USP14: variants seen among roughly 807,000 people sequenced by gnomAD.
The protein encoded by USP14 is ubiquitin carboxyl-terminal hydrolase 14.
Under a neutral mutation model 76.5 loss-of-function variants are expected in USP14, and 38 were observed. The observed-to-expected ratio is 0.50, with a 90% CI of 0.38 to 0.65. The LOEUF is 0.65. Ranked by LOEUF, USP14 falls within the 30% of genes least tolerant of loss-of-function variation. USP14 has a pLI of 0.00. For missense variants in USP14, 467 were observed against 586.5 expected (o/e 0.80, Z 2.10); for synonymous variants, 192 against 191.7 (o/e 1.00, Z -0.01).
intron 1 of USP14, among the ~76,000 whole-genome samples, chr18:160,669 A>G (rs916144653): frequency 1.3e-5 from 2 of 152,250 alleles, no homozygotes; most frequent in Non-Finnish European, 2.9e-5. Context: ...GCTCATGGCA[A>G]TAGCACAATA....
At position 212,243 on chromosome 18, in the gene USP14, G is replaced by A. The variant is rs1910689493; in HGVS notation, c.*959G>A. 2 of 152,212 alleles carry A rather than the reference G, an allele frequency of 1.3e-5. No individual in the cohort carries two copies. The allele number at this position is 152,212 out of a possible 1,614,324, so 9.4% of individuals were successfully genotyped here. ...GTAAAAGTAATGGATTTCTTTGGAT[G>A]CTGAATGCAGTGATGTTATCAGTCA... is the stretch of plus-strand genomic sequence containing the variant. On this transcript the variant is annotated 3_prime_UTR_variant, in exon 16 of 16. Coordinates refer to ENST00000261601, the MANE Select transcript of USP14 (RefSeq NM_005151.4).
Position 168,579 on chromosome 18 carries a change from C to T in USP14, c.195+1760C>T, listed in dbSNP as rs188057286. Reference sequence around the variant, plus strand: ...CCTCCTGAGTAGTTGGGATTACAAACGCCTACCACCATGCCTGGCTAATTT... The same window carrying T: ...CCTCCTGAGTAGTTGGGATTACAAATGCCTACCACCATGCCTGGCTAATTT... On this transcript the variant is annotated intron_variant, in intron 3 of 15. Transcript: ENST00000261601. Among the ~76,000 whole-genome samples the T allele has an allele frequency of 1.1e-4, 16 of 151,884 alleles. No individual in the cohort carries two copies. In the East Asian group the frequency reaches 2.2e-3, roughly 21 times the overall value.
intron 5 of USP14, among the ~76,000 whole-genome samples, chr18:184,137 A>T (rs1909862428): frequency 6.6e-6 from 1 of 152,158 alleles, no homozygotes; most frequent in Non-Finnish European, 1.5e-5. Flanking sequence ...TCCTTTTTTT[A>T]AAAAAATAAA....
Position 213,575 on chromosome 18 carries a change from G to A in USP14, c.*2291G>A, listed in dbSNP as rs1277435628. On this transcript the variant is annotated 3_prime_UTR_variant, in exon 16 of 16. Transcript: ENST00000261601. Reference sequence around the variant, plus strand: ...CCTTATATGCTGTGCCACTCACACCGAGGCCATCATCTCAACATTAGAGTT... The same window carrying A: ...CCTTATATGCTGTGCCACTCACACCAAGGCCATCATCTCAACATTAGAGTT... 1.3e-5 allele frequency: 2 copies of A among 152,122 alleles called. No individual in the cohort carries two copies. Among genetic ancestry groups the A allele is most frequent in the East Asian group, 3.9e-4 (2 of 5,160 alleles). The allele number at this position is 152,122 out of a possible 1,614,324, so 9.4% of individuals were successfully genotyped here.
At chr18:181,869 A>G (rs953474112) in intron 5 of USP14, among the ~76,000 whole-genome samples, 1 of 152,092 alleles carries the variant, frequency 6.6e-6, no homozygotes, top group Admixed American at 6.6e-5. Flanking sequence ...TAGCTCTTCT[A>G]TTCAGGCCTG....
chr18:203,178 C>T lies in USP14; in HGVS notation c.1023C>T (p.Ala341=), dbSNP rs763864058. The T allele has an allele frequency of 6.2e-7, 1 of 1,613,402 alleles. No homozygotes were observed. Residue 341 remains alanine (A), a synonymous_variant, in exon 12 of 16, where the codon GCC becomes GCT. Coordinates refer to ENST00000261601, the MANE Select transcript of USP14 (RefSeq NM_005151.4). ...ATAAAGAGAAGGAATCTGTGAATGC[C>T]AAAGTTCTTAAGGTTAGTAATGAAC... The part of the protein sequence containing the change: ...FFYKEKESVN[A]KVLKDVKFPL...
In USP14 at chr18:211,304, G is replaced by A. The variant is rs377722249; in HGVS notation, c.*20G>A. 6.9e-6 allele frequency: 11 copies of A among 1,584,950 alleles called. No homozygotes were observed. The African/African-American group carries it at 1.5e-4, about 21-fold the overall frequency. Reference sequence around the variant, plus strand: ...CAGTAATCTTCATTTTAGTATTTATGCTTAGATGTGAAAATAAATGTTATT... The same window carrying A: ...CAGTAATCTTCATTTTAGTATTTATACTTAGATGTGAAAATAAATGTTATT... On this transcript the variant is annotated 3_prime_UTR_variant, in exon 16 of 16. Coordinates refer to ENST00000261601, the MANE Select transcript of USP14 (RefSeq NM_005151.4).
chr18:199,165 A>G (rs1342510919), intron 9 of USP14, 37 bp from the exon 10 acceptor site: 1 of 1,324,388 alleles, frequency 7.6e-7, no homozygotes, highest in East Asian at 2.3e-5. Context: ...AACAAATTGA[A>G]TACCCGTTGG....
chr18:178,479 A>C (rs894686547), intron 3 of USP14, among the ~76,000 whole-genome samples: 1 of 152,186 alleles, frequency 6.6e-6, no homozygotes, highest in African/African-American at 2.4e-5. Flanking sequence ...ATTTATATAG[A>C]GTAAAATTCA....
chr18:188,452 T>C (rs1009250762), intron 5 of USP14, among the ~76,000 whole-genome samples: 2 of 151,564 alleles, frequency 1.3e-5, no homozygotes, highest in African/African-American at 4.9e-5. Flanking sequence ...TTTAAAAGGA[T>C]TTTTTGGGGT....
chr18:171,025 A>AAATATATAT (rs1327304974), intron 3 of USP14, among the ~76,000 whole-genome samples: 40 of 47,642 alleles, frequency 8.4e-4, no homozygotes, highest in African/African-American at 9.6e-4. Context: ...AAAAAAAAAA[A>AAATATATAT]ATATATATAT....
intron 2 of USP14, among the ~76,000 whole-genome samples, chr18:165,398 C>T (rs1199705308): frequency 1.3e-5 from 2 of 152,160 alleles, no homozygotes; most frequent in Non-Finnish European, 2.9e-5. Flanking sequence ...TCTTTGTTTA[C>T]CCCCGAAGGT....
intron 3 of USP14, among the ~76,000 whole-genome samples, chr18:178,109 C>T (rs887364782): frequency 2.6e-5 from 4 of 152,148 alleles, no homozygotes; most frequent in Admixed American, 2.6e-4. Context: ...CAGCCTCAAC[C>T]TCCCAGGCTC....
chr18:199,342 G>A (rs1910324915), intron 10 of USP14, 26 bp downstream of exon 10: 2 of 1,523,038 alleles, frequency 1.3e-6, no homozygotes, highest in Admixed American at 1.7e-5. Flanking sequence ...GTCCATCCTT[G>A]TTGTTTGTGA....
intron 1 of USP14, among the ~76,000 whole-genome samples, chr18:161,355 G>C (rs1909113127): frequency 6.6e-6 from 1 of 152,118 alleles, no homozygotes. Context: ...ACACCATGCT[G>C]CTTTATGCTG....
chr18:159,025 T>G, intron 1 of USP14: 1 of 303,130 alleles, frequency 3.3e-6, no homozygotes. Flanking sequence ...AGTGAGGGTG[T>G]GTCCTGGGGC....
chr18:187,732 A>G (rs1909970757), intron 5 of USP14, among the ~76,000 whole-genome samples: 2 of 152,154 alleles, frequency 1.3e-5, no homozygotes. Context: ...AGGAGTACTA[A>G]TTTCAAATAT....
chr18:161,832 C>G (rs1909127831), intron 1 of USP14, among the ~76,000 whole-genome samples: 1 of 152,042 alleles, frequency 6.6e-6, no homozygotes, highest in African/African-American at 2.4e-5. Context: ...CAAAAGTTAG[C>G]TATTTTATGA....
Position 197,498 on chromosome 18 carries a change from C to T in USP14, c.595-118C>T, listed in dbSNP as rs192723185. ...TTGGAAGATCGTATGTCTTATTTGGCTTAATATTTTTAAAGAAGGAAACCA... is the reference window on the plus strand; with the variant it reads ...TTGGAAGATCGTATGTCTTATTTGGTTTAATATTTTTAAAGAAGGAAACCA... On this transcript the variant is annotated intron_variant, in intron 7 of 15. Coordinates refer to ENST00000261601, the MANE Select transcript of USP14 (RefSeq NM_005151.4). 3 of 716,778 alleles carry T rather than the reference C, an allele frequency of 4.2e-6. No individual in the cohort carries two copies. In the East Asian group the frequency reaches 8.1e-5, roughly 19 times the overall value. 44.4% of individuals were successfully genotyped at this position (716,778 alleles called of 1,614,324 possible). A position where few individuals can be genotyped will look rare whatever the true frequency, so the allele number is the denominator to read the frequency against.
Sources: allele counts gnomAD v4.1 joint callset (sites outside exome capture counted in the v4.1 genomes callset), GRCh38; gene constraint gnomAD v4.1.1; transcripts MANE v1.5; gene names NCBI Gene and HGNC (gene_info 2026-07-23, HGNC 2026-07-21).